Variants in UNC5C observed in about 807,000 individuals in gnomAD.
The protein encoded by UNC5C is unc-5 netrin receptor C.
UNC5C carries 47 observed loss-of-function variants against 99.8 expected under a neutral mutation model. That is an observed-to-expected ratio of 0.47 (90% CI 0.37 to 0.60). UNC5C has a LOEUF of 0.60. UNC5C is among the 20% of genes least tolerant of loss of function. UNC5C has a pLI of 0.00. For missense variants in UNC5C, 1,062 were observed against 1,165.9 expected, an observed-to-expected ratio of 0.91 and a Z score of 1.30; for synonymous variants, 487 against 452.2, an observed-to-expected ratio of 1.08 and a Z score of -0.98.
intron 1 of UNC5C, among the ~76,000 whole-genome samples, chr4:95,386,023 A>G (rs747924535): frequency 9.9e-5 from 15 of 152,256 alleles, no homozygotes; most frequent in Admixed American, 5.2e-4. Context: ...GTGTCTGTTA[A>G]TGGTACCACT....
intron 1 of UNC5C, among the ~76,000 whole-genome samples, chr4:95,393,945 A>G (rs1745436191): frequency 6.6e-6 from 1 of 152,032 alleles, no homozygotes; most frequent in South Asian, 2.1e-4. Context: ...GATTAAAGTC[A>G]TGATAATGAC....
intron 4 of UNC5C, among the ~76,000 whole-genome samples, chr4:95,263,351 G>C (rs1449126162): frequency 6.6e-6 from 1 of 152,042 alleles, no homozygotes; most frequent in African/African-American, 2.4e-5. Context: ...TATTTTTTAA[G>C]TCTTTTAGGG....
chr4:95,516,963 G>A (rs904317064), intron 1 of UNC5C, among the ~76,000 whole-genome samples: 2 of 152,120 alleles, frequency 1.3e-5, no homozygotes, highest in Non-Finnish European at 2.9e-5. Context: ...CTTCCGGGGA[G>A]CATGATGTCA....
chr4:95,318,597 C>G (rs1742565751), intron 2 of UNC5C, among the ~76,000 whole-genome samples: 1 of 152,080 alleles, frequency 6.6e-6, no homozygotes, highest in African/African-American at 2.4e-5. Context: ...GAGGCAGCCT[C>G]TTAGTCACTG....
chr4:95,496,458 A>G (rs1474178445), intron 1 of UNC5C, among the ~76,000 whole-genome samples: 2 of 151,800 alleles, frequency 1.3e-5, no homozygotes, highest in African/African-American at 4.8e-5. Context: ...CATTTTAACT[A>G]GGAAATTATG....
chr4:95,246,781 C>T (rs535695703), intron 5 of UNC5C, among the ~76,000 whole-genome samples: 36 of 151,114 alleles, frequency 2.4e-4, no homozygotes, highest in African/African-American at 8.5e-4. Flanking sequence ...TAGTATATGC[C>T]AGGTGCAGTG....
chr4:95,322,349 G>A (rs1742724564), intron 2 of UNC5C, among the ~76,000 whole-genome samples: 1 of 152,170 alleles, frequency 6.6e-6, no homozygotes, highest in African/African-American at 2.4e-5. Flanking sequence ...AATACACACT[G>A]TTGGTTTGTC....
chr4:95,332,101 C>A (rs1358621276), intron 2 of UNC5C, among the ~76,000 whole-genome samples: 1 of 152,178 alleles, frequency 6.6e-6, no homozygotes, highest in Non-Finnish European at 1.5e-5. Flanking sequence ...ACATTCCATG[C>A]TCATGGGTAG....
chr4:95,175,862 C>G (rs1215459020), intron 14 of UNC5C, among the ~76,000 whole-genome samples: 2 of 151,752 alleles, frequency 1.3e-5, no homozygotes, highest in Non-Finnish European at 2.9e-5. Flanking sequence ...TCCATTCTCC[C>G]CATCACTTTC....
intron 4 of UNC5C, among the ~76,000 whole-genome samples, chr4:95,273,693 T>C (rs1303292953): frequency 6.6e-6 from 1 of 152,224 alleles, no homozygotes; most frequent in African/African-American, 2.4e-5. Context: ...TATATCATTT[T>C]AGAGTATTCC....
At chr4:95,216,325 G>T in intron 9 of UNC5C, 114 bp from the exon 10 acceptor site, 2 of 747,844 alleles carry the variant, frequency 2.7e-6, no homozygotes, top group Non-Finnish European at 4.3e-6. Context: ...CTAAAGACAT[G>T]TAAATATTCC....
intron 1 of UNC5C, among the ~76,000 whole-genome samples, chr4:95,492,742 C>A (rs552701116): frequency 6.6e-6 from 1 of 151,522 alleles, no homozygotes; most frequent in East Asian, 2.0e-4. Flanking sequence ...TGAGAGAAAT[C>A]CATTATCTAA....
intron 1 of UNC5C, among the ~76,000 whole-genome samples, chr4:95,340,464 G>A (rs924289833): frequency 6.6e-6 from 1 of 151,908 alleles, no homozygotes; most frequent in Non-Finnish European, 1.5e-5. Context: ...AAAGGCAGCT[G>A]GAATTAACTA....
intron 14 of UNC5C, among the ~76,000 whole-genome samples, chr4:95,180,361 A>ATGT (rs2149349228): frequency 6.6e-6 from 1 of 152,286 alleles, no homozygotes; most frequent in South Asian, 2.1e-4. Context: ...CCTCTGCACC[A>ATGT]TGTTTTCTTT....
At chr4:95,525,135 G>A (rs1250570535) in intron 1 of UNC5C, among the ~76,000 whole-genome samples, 1 of 152,106 alleles carries the variant, frequency 6.6e-6, no homozygotes, top group Admixed American at 6.5e-5. Flanking sequence ...ATGCCAAAAG[G>A]AAGTTTAACA....
intron 3 of UNC5C, among the ~76,000 whole-genome samples, chr4:95,289,930 G>A (rs943034564): frequency 1.3e-5 from 2 of 152,018 alleles, no homozygotes; most frequent in Non-Finnish European, 2.9e-5. Flanking sequence ...ATTTTTGCTG[G>A]AATTTTTAAA....
intron 12 of UNC5C, among the ~76,000 whole-genome samples, chr4:95,192,238 T>G (rs1043846953): frequency 1.6e-5 from 2 of 128,964 alleles, no homozygotes; most frequent in African/African-American, 6.0e-5. Flanking sequence ...CTGCTCACCC[T>G]CCTCCCCTGT....
At chr4:95,429,939 A>G (rs1404479281) in intron 1 of UNC5C, among the ~76,000 whole-genome samples, 2 of 152,116 alleles carry the variant, frequency 1.3e-5, no homozygotes, top group Non-Finnish European at 2.9e-5. Context: ...TTCCAATTAT[A>G]TGTCATTCTA....
rs1274789806 is a variant in UNC5C, at chr4:95,354,481, T to TATATATATATATATATATATA, written c.125-18851_125-18850insTATATATATATATATATATAT. On this transcript the variant is annotated intron_variant, in intron 1 of 15. Transcript: ENST00000453304. Reference sequence around the variant, plus strand: ...ACCTAACTCTTCCATATATATATATTTTTTTTTTTTTTTTAAGAGACAGGG... The same window carrying TATATATATATATATATATATA: ...ACCTAACTCTTCCATATATATATATTATATATATATATATATATATATTTTTTTTTTTTTTAAGAGACAGGG... Among the ~76,000 whole-genome samples the TATATATATATATATATATATA allele has an allele frequency of 3.4e-4, 34 of 99,690 alleles. 1 individual carries two copies. Among genetic ancestry groups the TATATATATATATATATATATA allele is most frequent in the African/African-American group, 1.1e-3 (26 of 22,610 alleles). 65.4% of individuals were successfully genotyped at this position (99,690 alleles called of 152,430 possible).
Sources: gnomAD v4.1 joint callset for allele counts (sites outside exome capture counted in the v4.1 genomes callset) on GRCh38, gnomAD v4.1.1 for gene constraint, MANE v1.5 for transcripts, NCBI Gene and HGNC (gene_info 2026-07-23, HGNC 2026-07-21) for gene names.